PTPDC1: variants seen among roughly 807,000 people sequenced by gnomAD.
PTPDC1 encodes the protein protein tyrosine phosphatase domain-containing protein 1.
In PTPDC1, 53 loss-of-function variants were observed where a neutral mutation model predicts 75.3. The observed-to-expected ratio is 0.70, with a 90% CI of 0.56 to 0.88. PTPDC1 has a LOEUF of 0.88. PTPDC1 is among the 40% of genes least tolerant of loss of function. The pLI, the probability that PTPDC1 is intolerant of heterozygous loss-of-function variation, is 0.00. For synonymous variants in PTPDC1, 349 were observed against 366.2 expected (o/e 0.95, Z 0.54); for missense variants, 925 against 998.6 (o/e 0.93, Z 0.99).
chr9:94,035,352 A>G (rs1270593949), intron 1 of PTPDC1, among the ~76,000 whole-genome samples: 4 of 152,186 alleles, frequency 2.6e-5, no homozygotes, highest in Non-Finnish European at 5.9e-5. Context: ...GCTTCTGGTA[A>G]CCACCATTCT....
At chr9:94,066,246 T>C (rs755417745) in intron 2 of PTPDC1, among the ~76,000 whole-genome samples, 1 of 152,168 alleles carries the variant, frequency 6.6e-6, no homozygotes, top group Non-Finnish European at 1.5e-5. Flanking sequence ...CCAAAAAACA[T>C]TTTTTAATTA....
intron 2 of PTPDC1, among the ~76,000 whole-genome samples, chr9:94,075,714 T>G (rs7020044): frequency 0.17 from 26,600 of 152,044 alleles, 2,806 homozygotes; most frequent in East Asian, 0.28. Context: ...TTCTAAGACG[T>G]AAGGATGAGG....
At position 94,084,689 on chromosome 9, in the gene PTPDC1, C is replaced by G; in HGVS notation, c.159C>G (p.Ser53=). 6.2e-7 allele frequency: 1 copy of G among 1,613,786 alleles called. No individual in the cohort carries two copies. The highest frequency in any genetic ancestry group is 1.7e-4 in the Middle Eastern group (1 of 6,056). ...LGSGSATKLL[S]SSSLQVMVAV... is the part of the protein sequence containing the mutation. ...CCGGCTCTGCCACGAAGCTGCTGTCCTCGTCCTCTCTCCAGGTGATGGTGG... is the reference window on the plus strand; with the variant it reads ...CCGGCTCTGCCACGAAGCTGCTGTCGTCGTCCTCTCTCCAGGTGATGGTGG... Residue 53 remains serine (S), a synonymous_variant, in exon 1 of 9, where the codon TCC becomes TCG. Coordinates refer to ENST00000620992, the MANE Select transcript of PTPDC1 (RefSeq NM_001253829.2).
At chr9:94,085,603 T>G (rs1386045504) in intron 2 of PTPDC1, among the ~76,000 whole-genome samples, 181 bp downstream of exon 2, 1 of 152,204 alleles carries the variant, frequency 6.6e-6, no homozygotes, top group Non-Finnish European at 1.5e-5. Flanking sequence ...CTCAGTTTCT[T>G]TATCTGTAAG....
chr9:94,063,168 A>T (rs1015009445), intron 1 of PTPDC1, among the ~76,000 whole-genome samples: 18 of 152,346 alleles, frequency 1.2e-4, no homozygotes, highest in Non-Finnish European at 8.8e-5. Context: ...ACAAGGCAGG[A>T]CCTTCTCTGG....
At chr9:94,089,213 A>G (rs1195217163) in intron 4 of PTPDC1, among the ~76,000 whole-genome samples, 10 of 132,182 alleles carry the variant, frequency 7.6e-5, no homozygotes, top group South Asian at 2.8e-4. Flanking sequence ...ATATCTCCCA[A>G]TGCTATCCCT....
At chr9:94,036,033 T>TTTTTTTTTTTTTTTTTTTTA (rs1825256284) in intron 1 of PTPDC1, among the ~76,000 whole-genome samples, 1 of 143,354 alleles carries the variant, frequency 7.0e-6, no homozygotes, top group Non-Finnish European at 1.5e-5. Context: ...GTTTTTTTTT[T>TTTTTTTTTTTTTTTTTTTTA]TGTTTTTTTT....
chr9:94,071,873 C>T (rs538741059), intron 2 of PTPDC1, among the ~76,000 whole-genome samples: 7 of 152,232 alleles, frequency 4.6e-5, no homozygotes, highest in African/African-American at 1.2e-4. Context: ...TTTATAATCA[C>T]GTTTCTCTTT....
intron 2 of PTPDC1, among the ~76,000 whole-genome samples, chr9:94,074,453 G>A (rs1756140493): frequency 6.6e-6 from 1 of 152,140 alleles, no homozygotes; most frequent in Non-Finnish European, 1.5e-5. Flanking sequence ...AAGAAGTAGA[G>A]GGCAACTCAC....
intron 2 of PTPDC1, among the ~76,000 whole-genome samples, chr9:94,087,460 G>C (rs938516597): frequency 1.3e-5 from 2 of 152,068 alleles, no homozygotes; most frequent in African/African-American, 4.8e-5. Flanking sequence ...GCCTTTACTA[G>C]ACTACCTTTT....
chr9:94,077,220 A>T (rs567931507), intron 2 of PTPDC1, among the ~76,000 whole-genome samples: 3 of 152,266 alleles, frequency 2.0e-5, no homozygotes, highest in Non-Finnish European at 4.4e-5. Context: ...CTACACTCTC[A>T]TAACATGTTT....
chr9:94,045,467 A>G (rs1825566732), intron 1 of PTPDC1, among the ~76,000 whole-genome samples: 1 of 152,172 alleles, frequency 6.6e-6, no homozygotes, highest in South Asian at 2.1e-4. Context: ...CCAACAGTGT[A>G]AAAGTGTTCC....
At chr9:94,067,515 A>G (rs189116446) in intron 2 of PTPDC1, among the ~76,000 whole-genome samples, 1 of 152,300 alleles carries the variant, frequency 6.6e-6, no homozygotes. Flanking sequence ...TGTCTTATAG[A>G]TATACCATAG....
intron 6 of PTPDC1, 34 bp from the exon 7 acceptor site, chr9:94,101,530 GTC>G (rs1360621673): frequency 1.2e-5 from 19 of 1,540,414 alleles, no homozygotes; most frequent in Admixed American, 1.7e-5. Flanking sequence ...CCCTGTCTCT[GTC>G]TCTGTCTGTC....
intron 6 of PTPDC1, 59 bp from the exon 7 acceptor site, chr9:94,101,507 C>G: frequency 7.5e-7 from 1 of 1,341,962 alleles, no homozygotes; most frequent in Non-Finnish European, 1.1e-6. Context: ...AATGGTGCAC[C>G]TCCCTCTCCT....
At chr9:94,064,854 T>G in intron 2 of PTPDC1, 3 of 1,498,508 alleles carry the variant, frequency 2.0e-6, no homozygotes, top group Non-Finnish European at 2.8e-6. Flanking sequence ...TTTGTCTCTC[T>G]GTGCAAGCTG....
intron 1 of PTPDC1, among the ~76,000 whole-genome samples, chr9:94,057,476 A>C (rs1435278076): frequency 6.6e-6 from 1 of 152,222 alleles, no homozygotes; most frequent in Non-Finnish European, 1.5e-5. Context: ...GTACAGACTA[A>C]GAAGGGAAAA....
chr9:94,052,070 T>C (rs1362309343), intron 1 of PTPDC1, among the ~76,000 whole-genome samples: 3 of 152,186 alleles, frequency 2.0e-5, no homozygotes. Flanking sequence ...TTATTTTTAA[T>C]TGTAAAATAC....
At chr9:94,054,169 A>G (rs1348096195) in intron 1 of PTPDC1, among the ~76,000 whole-genome samples, 1 of 152,218 alleles carries the variant, frequency 6.6e-6, no homozygotes, top group Admixed American at 6.5e-5. Context: ...AATAAAGTAT[A>G]TAATGTATTA....
Sources: gnomAD v4.1 joint callset for allele counts (sites outside exome capture counted in the v4.1 genomes callset) on GRCh38, gnomAD v4.1.1 for gene constraint, MANE v1.5 for transcripts, NCBI Gene and HGNC (gene_info 2026-07-23, HGNC 2026-07-21) for gene names.